Variants in KIFAP3 observed in about 807,000 individuals in gnomAD.
KIFAP3 encodes the protein kinesin associated protein 3.
Under a neutral mutation model 106.5 loss-of-function variants are expected in KIFAP3, and 68 were observed. That is an observed-to-expected ratio of 0.64 (90% CI 0.53 to 0.78). The LOEUF (loss-of-function observed/expected upper bound fraction) is 0.78, where lower values mean the gene tolerates loss of function less well. KIFAP3 is among the 30% of genes least tolerant of loss of function. The pLI is 0.00. For missense variants in KIFAP3, 780 were observed against 941.8 expected, an observed-to-expected ratio of 0.83 and a Z score of 2.25; for synonymous variants, 320 against 311.5, an observed-to-expected ratio of 1.03 and a Z score of -0.29.
chr1:170,049,509 G>C (rs1227264142), intron 2 of KIFAP3, among the ~76,000 whole-genome samples: 3 of 152,194 alleles, frequency 2.0e-5, no homozygotes, highest in Non-Finnish European at 4.4e-5. Context: ...GCCTCCTCAA[G>C]TGGGTCCCTG....
intron 19 of KIFAP3, among the ~76,000 whole-genome samples, chr1:169,943,857 C>T (rs1664272629): frequency 6.6e-6 from 1 of 152,152 alleles, no homozygotes; most frequent in Admixed American, 6.5e-5. Context: ...ACTGGATTGG[C>T]TTCTGTGTCA....
chr1:169,974,637 T>C (rs1666127484), intron 16 of KIFAP3, among the ~76,000 whole-genome samples: 1 of 151,906 alleles, frequency 6.6e-6, no homozygotes, highest in Non-Finnish European at 1.5e-5. Context: ...TGACTGTCTC[T>C]TTTCTCCATT....
chr1:169,985,837 G>T (rs1341344624), intron 11 of KIFAP3, among the ~76,000 whole-genome samples: 2 of 151,878 alleles, frequency 1.3e-5, no homozygotes, highest in Non-Finnish European at 2.9e-5. Flanking sequence ...GAAAAGGTAG[G>T]CTACCTATGC....
intron 10 of KIFAP3, among the ~76,000 whole-genome samples, chr1:170,007,648 C>A (rs6678382): frequency 6.6e-6 from 1 of 151,860 alleles, no homozygotes; most frequent in Non-Finnish European, 1.5e-5. Flanking sequence ...AAACATTCCA[C>A]GCTCATGGAT....
chr1:169,927,744 A>G (rs990628072), intron 19 of KIFAP3, among the ~76,000 whole-genome samples: 1 of 152,194 alleles, frequency 6.6e-6, no homozygotes, highest in Non-Finnish European at 1.5e-5. Flanking sequence ...AACAGAGAGG[A>G]GTGGCTGACG....
intron 3 of KIFAP3, among the ~76,000 whole-genome samples, chr1:170,042,491 G>C (rs1185179967): frequency 6.6e-6 from 1 of 152,192 alleles, no homozygotes; most frequent in Admixed American, 6.5e-5. Context: ...AGATGTGTAT[G>C]ACTAGTCTTG....
intron 8 of KIFAP3, among the ~76,000 whole-genome samples, chr1:170,026,036 T>C (rs1669085563): frequency 6.6e-6 from 1 of 152,058 alleles, no homozygotes; most frequent in African/African-American, 2.4e-5. Context: ...GGAGGTGACA[T>C]AACAGAGACC....
chr1:170,036,253 G>C (rs1310636379), intron 5 of KIFAP3, among the ~76,000 whole-genome samples: 1 of 152,018 alleles, frequency 6.6e-6, no homozygotes, highest in African/African-American at 2.4e-5. Context: ...TAAAATATCT[G>C]TATGTTAAAA....
chr1:169,928,121 A>C (rs955582942), intron 19 of KIFAP3, among the ~76,000 whole-genome samples: 5 of 150,726 alleles, frequency 3.3e-5, no homozygotes, highest in Non-Finnish European at 7.4e-5. Context: ...TTTCTTTGAG[A>C]TGGAGTCTTG....
intron 11 of KIFAP3, among the ~76,000 whole-genome samples, chr1:169,990,826 C>T (rs1667057758): frequency 6.6e-6 from 1 of 151,896 alleles, no homozygotes; most frequent in African/African-American, 2.4e-5. Flanking sequence ...TGAATCATAG[C>T]AAAAATCTTT....
intron 15 of KIFAP3, among the ~76,000 whole-genome samples, chr1:169,979,711 C>T (rs1209196079): frequency 2.0e-5 from 3 of 152,108 alleles, no homozygotes; most frequent in Admixed American, 6.6e-5. Flanking sequence ...TACAGATTGG[C>T]ATAGTTTACT....
intron 2 of KIFAP3, 30 bp downstream of exon 2, chr1:170,055,275 T>C (rs1368971552): frequency 6.3e-7 from 1 of 1,581,126 alleles, no homozygotes; most frequent in East Asian, 2.2e-5. Context: ...TGTTCACTAC[T>C]TTCAAAATGT....
In KIFAP3 at chr1:169,978,067, TA is replaced by T; in HGVS notation, c.1897+17del. 1 of 1,484,926 alleles carries T rather than the reference TA, an allele frequency of 6.7e-7. No homozygotes were observed. The highest frequency in any genetic ancestry group is 9.4e-7 in the Non-Finnish European group (1 of 1,065,664). 92.0% of individuals were successfully genotyped at this position (1,484,926 alleles called of 1,614,324 possible). On this transcript the variant is annotated intron_variant, in intron 16 of 19. Transcript: ENST00000361580. Reference sequence around the variant, plus strand: ...ATATGTGAAATATTGTTATCTACGGTAAACACTGAAAGGATACGTGTTTCCT... The same window carrying T: ...ATATGTGAAATATTGTTATCTACGGTAACACTGAAAGGATACGTGTTTCCT...
chr1:170,063,675 T>C (rs1175636775), intron 1 of KIFAP3, among the ~76,000 whole-genome samples: 1 of 152,200 alleles, frequency 6.6e-6, no homozygotes, highest in Non-Finnish European at 1.5e-5. Flanking sequence ...TGTGTGTCTA[T>C]TTCTAGGCTT....
chr1:169,971,680 TAA>T (rs1355559919), intron 17 of KIFAP3, among the ~76,000 whole-genome samples: 1 of 152,022 alleles, frequency 6.6e-6, no homozygotes, highest in Non-Finnish European at 1.5e-5. Context: ...GATTTCCAAC[TAA>T]GTTATTGATT....
chr1:169,922,860 A>T (rs181802571), intron 19 of KIFAP3, among the ~76,000 whole-genome samples: 11 of 152,348 alleles, frequency 7.2e-5, no homozygotes, highest in African/African-American at 2.6e-4. Context: ...ACTGAATGTG[A>T]TGAAAAAATA....
chr1:170,045,055 G>A (rs180829601), intron 3 of KIFAP3, among the ~76,000 whole-genome samples: 16 of 152,226 alleles, frequency 1.1e-4, no homozygotes, highest in African/African-American at 3.1e-4. Flanking sequence ...ATAAGAATCT[G>A]CTTTCTTTGG....
At chr1:169,985,989 A>G (rs914109903) in intron 11 of KIFAP3, among the ~76,000 whole-genome samples, 1 of 151,892 alleles carries the variant, frequency 6.6e-6, no homozygotes, top group African/African-American at 2.4e-5. Context: ...TATAGTACAT[A>G]AAGAGAGTTT....
intron 17 of KIFAP3, among the ~76,000 whole-genome samples, chr1:169,969,602 G>A (rs766277539): frequency 6.6e-6 from 1 of 151,914 alleles, no homozygotes; most frequent in Non-Finnish European, 1.5e-5. Context: ...ATTAAAAAAG[G>A]AAGAGGTACC....
Sources: gnomAD v4.1 joint callset for allele counts (sites outside exome capture counted in the v4.1 genomes callset) on GRCh38, gnomAD v4.1.1 for gene constraint, MANE v1.5 for transcripts, NCBI Gene and HGNC (gene_info 2026-07-23, HGNC 2026-07-21) for gene names.